Variants in TMEM266 observed in about 807,000 individuals in gnomAD.
TMEM266 encodes Hv1 related protein 1.
In TMEM266, 33 loss-of-function variants were observed where a neutral mutation model predicts 50.5. That is an observed-to-expected ratio of 0.65 (90% CI 0.50 to 0.87). The LOEUF (loss-of-function observed/expected upper bound fraction) is 0.87, where lower values mean the gene tolerates loss of function less well. Among genes scored for constraint, TMEM266 ranks in the 40% least tolerant of loss-of-function variants. The pLI is 0.00. For missense variants in TMEM266, 655 were observed against 695.1 expected (o/e 0.94, Z 0.65); for synonymous variants, 310 against 292.3 (o/e 1.06, Z -0.62).
rs1201720726 is a variant in TMEM266, at chr15:76,192,165, C to A, written c.958+8C>A. ...AGCTGCAGCCCTCGCAAGGTAAGCC[C>A]GGGTCTCCACCCGGCCCCAGAGTGT... On this transcript the variant is annotated splice_region_variant and intron_variant, in intron 9 of 10. Transcript: ENST00000388942. 2.9e-6 allele frequency: 4 copies of A among 1,394,576 alleles called. No individual in the cohort carries two copies. Among genetic ancestry groups the A allele is most frequent in the South Asian group, 3.2e-5 (2 of 62,764 alleles). The allele number at this position is 1,394,576 out of a possible 1,614,324, so 86.4% of individuals were successfully genotyped here.
rs543017060 is a variant in TMEM266 at position 76,119,296 on chromosome 15, C to G, written c.-96-14872C>G. 1.3e-3 allele frequency among the ~76,000 whole-genome samples: 203 copies of G among 151,118 alleles called. 2 individuals carry two copies. The highest frequency in any genetic ancestry group is 4.8e-3 in the African/African-American group (196 of 41,046). ...CCACTCTACTTGCCAGCTTGTAAGT[C>G]CTGGAGTGTTGGGAGGGGAAGGACA... On this transcript the variant is annotated intron_variant, in intron 1 of 10. Coordinates refer to ENST00000388942, the MANE Select transcript of TMEM266 (RefSeq NM_152335.3).
chr15:76,157,398 C>G (rs2037943650), intron 4 of TMEM266, among the ~76,000 whole-genome samples: 1 of 152,204 alleles, frequency 6.6e-6, no homozygotes, highest in Non-Finnish European at 1.5e-5. Context: ...GCTGGGACTT[C>G]AAGGCACCAG....
intron 1 of TMEM266, among the ~76,000 whole-genome samples, chr15:76,096,827 T>C (rs2036927739): frequency 2.6e-5 from 4 of 152,044 alleles, no homozygotes; most frequent in Admixed American, 2.0e-4. Flanking sequence ...TAGTTAGCTC[T>C]TCTTGCTGCA....
intron 1 of TMEM266, among the ~76,000 whole-genome samples, chr15:76,079,615 C>T (rs2036655066): frequency 6.7e-6 from 1 of 150,268 alleles, no homozygotes. Flanking sequence ...TGGTGAAACC[C>T]CATCTCTACT....
rs909483482 is a variant in TMEM266 at position 76,189,572 on chromosome 15, G to A, written c.769-2396G>A. On this transcript the variant is annotated intron_variant, in intron 8 of 10. Transcript: ENST00000388942. Reference sequence around the variant, plus strand: ...AGGGAAATGGGGTACTTTTCCCCTCGGAACCCCTGAGAGTCTGGGAGGAAG... The same window carrying A: ...AGGGAAATGGGGTACTTTTCCCCTCAGAACCCCTGAGAGTCTGGGAGGAAG... 5.3e-5 allele frequency among the ~76,000 whole-genome samples: 8 copies of A among 152,080 alleles called. No individual in the cohort carries two copies. In the South Asian group the frequency reaches 1.2e-3, roughly 24 times the overall value.
chr15:76,079,642 G>T (rs2036655817), intron 1 of TMEM266, among the ~76,000 whole-genome samples: 1 of 150,646 alleles, frequency 6.6e-6, no homozygotes, highest in East Asian at 2.0e-4. Flanking sequence ...ACAAAAATTA[G>T]CCAGGCTTGG....
At chr15:76,198,695 G>C (rs892864890) in intron 9 of TMEM266, among the ~76,000 whole-genome samples, 1 of 152,276 alleles carries the variant, frequency 6.6e-6, no homozygotes, top group Admixed American at 6.5e-5. Context: ...GCACCAGGGA[G>C]ACAGTAAAAT....
chr15:76,200,113 G>C (rs533850537), intron 9 of TMEM266, among the ~76,000 whole-genome samples: 1 of 152,284 alleles, frequency 6.6e-6, no homozygotes, highest in South Asian at 2.1e-4. Flanking sequence ...TCAATACATG[G>C]CAGAGGGTGG....
intron 1 of TMEM266, among the ~76,000 whole-genome samples, chr15:76,062,975 G>T (rs2036332867): frequency 6.6e-6 from 1 of 152,128 alleles, no homozygotes; most frequent in Admixed American, 6.5e-5. Flanking sequence ...GTTGAATAAG[G>T]CACTAAAACT....
rs1418976963 is a variant in TMEM266 at position 76,204,429 on chromosome 15, C to T, written c.*114C>T. Reference sequence around the variant, plus strand: ...GCCCAGGAGCCCACCTGGCCTCCCTCAGGGTGCTGCCTGCCTCCAGGGAGG... The same window carrying T: ...GCCCAGGAGCCCACCTGGCCTCCCTTAGGGTGCTGCCTGCCTCCAGGGAGG... On this transcript the variant is annotated 3_prime_UTR_variant, in exon 11 of 11. Coordinates refer to ENST00000388942, the MANE Select transcript of TMEM266 (RefSeq NM_152335.3). 11 of 1,032,512 alleles carry T rather than the reference C, an allele frequency of 1.1e-5. No individual in the cohort carries two copies. The highest frequency in any genetic ancestry group is 1.5e-5 in the Non-Finnish European group (11 of 717,076). 64.0% of individuals were successfully genotyped at this position (1,032,512 alleles called of 1,614,324 possible). A position where few individuals can be genotyped will look rare whatever the true frequency, so the allele number is the denominator to read the frequency against.
At chr15:76,152,263 C>A (rs1722956331) in intron 3 of TMEM266, among the ~76,000 whole-genome samples, 1 of 152,306 alleles carries the variant, frequency 6.6e-6, no homozygotes, top group South Asian at 2.1e-4. Context: ...GTACCCCCAA[C>A]AAGGAGACCT....
intron 2 of TMEM266, among the ~76,000 whole-genome samples, chr15:76,135,754 A>G (rs2037578354): frequency 6.6e-6 from 1 of 152,238 alleles, no homozygotes; most frequent in Non-Finnish European, 1.5e-5. Context: ...AGCAAAAAGC[A>G]AAGGTTTAAA....
chr15:76,137,188 C>T (rs1040152775), intron 2 of TMEM266, among the ~76,000 whole-genome samples: 5 of 152,184 alleles, frequency 3.3e-5, no homozygotes, highest in Admixed American at 3.3e-4. Context: ...CCCACTAGGT[C>T]TCTACAAGTC....
chr15:76,148,037 T>G (rs892465058), intron 3 of TMEM266, among the ~76,000 whole-genome samples: 1 of 152,210 alleles, frequency 6.6e-6, no homozygotes, highest in Non-Finnish European at 1.5e-5. Context: ...CAGCAAAATA[T>G]CCGTCCGTCC....
chr15:76,165,447 T>C (rs892913596), intron 5 of TMEM266, among the ~76,000 whole-genome samples: 2 of 152,234 alleles, frequency 1.3e-5, no homozygotes, highest in Non-Finnish European at 2.9e-5. Flanking sequence ...TAGCCTACAC[T>C]GCTTATCAGA....
Position 76,192,118 on chromosome 15 carries a change from G to A in TMEM266, c.919G>A (p.Ala307Thr), listed in dbSNP as rs1363664433. The A allele has an allele frequency of 2.1e-6, 3 of 1,413,340 alleles. No individual in the cohort carries two copies. The highest frequency in any genetic ancestry group is 2.8e-6 in the Non-Finnish European group (3 of 1,084,952). 87.5% of individuals were successfully genotyped at this position (1,413,340 alleles called of 1,614,324 possible). ...GGCCGGCACGTGGGACGAGGAGACGGCGGCCGAGAGCGTCGTGGAGGAGCT... is the reference window on the plus strand; with the variant it reads ...GGCCGGCACGTGGGACGAGGAGACGACGGCCGAGAGCGTCGTGGAGGAGCT... The change falls in exon 9 of 11, where the codon GCG (alanine) becomes ACG (threonine). Residue 307 changes from alanine to threonine, a missense_variant. Transcript: ENST00000388942.
At chr15:76,078,691 C>A (rs1042680917) in intron 1 of TMEM266, among the ~76,000 whole-genome samples, 1 of 152,190 alleles carries the variant, frequency 6.6e-6, no homozygotes, top group East Asian at 1.9e-4. Flanking sequence ...GAGGGTGAAC[C>A]GAGGAACTGC....
chr15:76,091,592 G>C (rs2036848961), intron 1 of TMEM266, among the ~76,000 whole-genome samples: 1 of 151,866 alleles, frequency 6.6e-6, no homozygotes, highest in South Asian at 2.1e-4. Context: ...GAAAATTTGG[G>C]GATCTTGATG....
chr15:76,161,536 C>T lies in TMEM266; in HGVS notation c.456+1368C>T, dbSNP rs942486339. On this transcript the variant is annotated intron_variant, in intron 5 of 10. Transcript: ENST00000388942. The surrounding 1 kb of genome is among the most constrained non-coding windows in gnomAD (Gnocchi z 4.1). ...GGTCTTGAGTCCAGAATCCTGAGTC[C>T]GGGTGTGGGGTGTGGTGGGCCGGGC... Among the ~76,000 whole-genome samples the T allele has an allele frequency of 2.0e-5, 3 of 151,994 alleles. No individual in the cohort carries two copies. The highest frequency in any genetic ancestry group is 1.9e-4 in the East Asian group (1 of 5,160).
Sources: allele counts gnomAD v4.1 joint callset (sites outside exome capture counted in the v4.1 genomes callset), GRCh38; gene constraint gnomAD v4.1.1; non-coding constraint Gnocchi (gnomAD v3.1); transcripts MANE v1.5; gene names NCBI Gene and HGNC (gene_info 2026-07-23, HGNC 2026-07-21).